TRAPPC9: variants seen among roughly 807,000 people sequenced by gnomAD.
TRAPPC9 encodes IKK2 binding protein.
In TRAPPC9, 83 loss-of-function variants were observed where a neutral mutation model predicts 124.0. The observed-to-expected ratio is 0.67, with a 90% CI of 0.56 to 0.80. The LOEUF is 0.80. Among genes scored for constraint, TRAPPC9 ranks in the 30% least tolerant of loss-of-function variants. The pLI is 0.00. For missense variants in TRAPPC9, 1,302 were observed against 1,508.3 expected (o/e 0.86, Z 2.27); for synonymous variants, 638 against 617.5 (o/e 1.03, Z -0.49).
At chr8:139,933,777 A>T (rs374230194) in intron 19 of TRAPPC9, 1 of 152,266 alleles carries the variant, frequency 6.6e-6, no homozygotes, top group East Asian at 1.9e-4. Context: ...GATTAACCAA[A>T]GTCCATGATC....
chr8:140,405,689 G>A lies in TRAPPC9; in HGVS notation c.896C>T (p.Thr299Ile). The A allele has an allele frequency of 6.2e-7, 1 of 1,614,168 alleles. No individual in the cohort carries two copies. Among genetic ancestry groups the A allele is most frequent in the Non-Finnish European group, 8.5e-7 (1 of 1,180,018 alleles). The change falls in exon 6 of 23, where the codon ACC (threonine) becomes ATC (isoleucine). Residue 299 changes from threonine to isoleucine, a missense_variant. This residue lies in a region of TRAPPC9 where 657 missense variants were observed against 811.2 expected (regional missense o/e 0.81). Coordinates refer to ENST00000438773, the MANE Select transcript of TRAPPC9 (RefSeq NM_001160372.4). Reference protein sequence around the residue: ...QEVLIDPGALTTNGINPDTST... With the variant: ...QEVLIDPGALITNGINPDTST... ...GGTGTCAGGGTTGATGCCATTGGTG[G>A]TGAGGGCACCTGCAAACCAAGAGGA...
At chr8:139,923,063 G>A (rs1413387312) in intron 19 of TRAPPC9, among the ~76,000 whole-genome samples, 6 of 151,170 alleles carry the variant, frequency 4.0e-5, no homozygotes, top group Admixed American at 6.6e-5. Context: ...CAGATGGGCC[G>A]GACTGGTAAG....
rs530122385 is a variant in TRAPPC9, at chr8:139,909,018, A to T, written c.2964+1129T>A. Among the ~76,000 whole-genome samples, 3 of 152,314 alleles carry T rather than the reference A, an allele frequency of 2.0e-5. No individual in the cohort carries two copies. The South Asian group carries it at 6.2e-4, about 32-fold the overall frequency. On this transcript the variant is annotated intron_variant, in intron 20 of 22. Coordinates refer to ENST00000438773, the MANE Select transcript of TRAPPC9 (RefSeq NM_001160372.4). Reference sequence around the variant, plus strand: ...TTATTTTGTCACAAACTCCTTGGAGACAGTGAGTCTGCCAGGCTCAAAGTC... The same window carrying T: ...TTATTTTGTCACAAACTCCTTGGAGTCAGTGAGTCTGCCAGGCTCAAAGTC...
intron 5 of TRAPPC9, among the ~76,000 whole-genome samples, chr8:140,422,522 G>A (rs981214279): frequency 3.3e-5 from 5 of 152,106 alleles, no homozygotes; most frequent in Non-Finnish European, 7.4e-5. Flanking sequence ...GGGAGGCCGA[G>A]GTGGGCGGAT....
chr8:139,849,687 G>A (rs1027944753), intron 21 of TRAPPC9, among the ~76,000 whole-genome samples: 7 of 152,186 alleles, frequency 4.6e-5, no homozygotes, highest in Admixed American at 1.3e-4. Flanking sequence ...TTTTCTGAGC[G>A]TGTCCACACT....
In TRAPPC9 at chr8:140,457,622, C is replaced by T. The variant is rs1485984638; in HGVS notation, c.-11+17G>A. 1.0e-6 allele frequency: 1 copy of T among 985,810 alleles called. No individual in the cohort carries two copies. The highest frequency in any genetic ancestry group is 1.2e-6 in the Non-Finnish European group (1 of 830,218). The allele number at this position is 985,810 out of a possible 1,614,324, so 61.1% of individuals were successfully genotyped here. On this transcript the variant is annotated intron_variant, in intron 1 of 22. Transcript: ENST00000438773. Reference sequence around the variant, plus strand: ...GTCCGAATTGCCTGACCGGGAGCCCCCCCGCTTTGCACTTACACAGCCGGT... The same window carrying T: ...GTCCGAATTGCCTGACCGGGAGCCCTCCCGCTTTGCACTTACACAGCCGGT...
Position 140,455,790 on chromosome 8 carries a change from T to C in TRAPPC9, c.-11+1849A>G, listed in dbSNP as rs368828782. ...ACAACACAAATGTCCATCAACTGCC[T>C]GATACACAAAATGTTAAATCTATAC... is the stretch of plus-strand genomic sequence containing the variant. On this transcript the variant is annotated intron_variant, in intron 1 of 22. Coordinates refer to ENST00000438773, the MANE Select transcript of TRAPPC9 (RefSeq NM_001160372.4). 1.4e-4 allele frequency among the ~76,000 whole-genome samples: 21 copies of C among 152,302 alleles called. No homozygotes were observed. The East Asian group carries it at 2.3e-3, about 17-fold the overall frequency.
chr8:139,971,746 T>TACAC (rs1554419388), intron 19 of TRAPPC9, among the ~76,000 whole-genome samples: 4 of 15,692 alleles, frequency 2.5e-4, no homozygotes, highest in African/African-American at 8.0e-4. Context: ...CACATATATA[T>TACAC]ATACACACAC....
intron 15 of TRAPPC9, among the ~76,000 whole-genome samples, chr8:140,271,723 A>G (rs1197680929): frequency 6.6e-6 from 1 of 152,262 alleles, no homozygotes; most frequent in African/African-American, 2.4e-5. Context: ...CACCACTCTC[A>G]TCTCAAGAAT....
intron 1 of TRAPPC9, among the ~76,000 whole-genome samples, chr8:140,451,963 A>G (rs1006934407): frequency 2.6e-5 from 4 of 152,080 alleles, no homozygotes; most frequent in Admixed American, 2.6e-4. Flanking sequence ...TATACTAAAA[A>G]TACAAAAATT....
rs79120698 is a variant in TRAPPC9, at chr8:140,013,504, C to T, written c.2699+10433G>A. ...CTTCAAAACTTCGGTTGACCACTGA[C>T]TACTTACTTCACCTGCTGCTGCCCA... On this transcript the variant is annotated intron_variant, in intron 18 of 22. Coordinates refer to ENST00000438773, the MANE Select transcript of TRAPPC9 (RefSeq NM_001160372.4). 4.9e-3 allele frequency among the ~76,000 whole-genome samples: 753 copies of T among 152,368 alleles called. 6 individuals carry two copies. Among genetic ancestry groups the T allele is most frequent in the African/African-American group, 0.017 (711 of 41,584 alleles).
chr8:139,954,976 C>T (rs1037638645), intron 19 of TRAPPC9, among the ~76,000 whole-genome samples: 3 of 152,156 alleles, frequency 2.0e-5, no homozygotes, highest in Non-Finnish European at 4.4e-5. Flanking sequence ...ATTGGTCTTA[C>T]AATTTGGCAT....
intron 19 of TRAPPC9, among the ~76,000 whole-genome samples, chr8:139,957,492 G>C (rs1406983382): frequency 1.3e-5 from 2 of 152,242 alleles, no homozygotes; most frequent in Admixed American, 6.5e-5. Context: ...GGGGACCTAG[G>C]TAGGGCACGC....
chr8:140,128,998 T>C (rs2061151048), intron 17 of TRAPPC9, among the ~76,000 whole-genome samples: 1 of 135,682 alleles, frequency 7.4e-6, no homozygotes, highest in East Asian at 2.0e-4. Flanking sequence ...CATATATATA[T>C]ATATATTAAA....
intron 21 of TRAPPC9, among the ~76,000 whole-genome samples, chr8:139,801,526 T>G (rs1823528898): frequency 6.6e-6 from 1 of 152,180 alleles, no homozygotes; most frequent in Non-Finnish European, 1.5e-5. Flanking sequence ...TTCCCTTGGC[T>G]GTGTCCACTG....
chr8:139,998,071 G>A (rs1214138198), intron 18 of TRAPPC9, among the ~76,000 whole-genome samples: 1 of 152,176 alleles, frequency 6.6e-6, no homozygotes, highest in Non-Finnish European at 1.5e-5. Context: ...GGGAGACAAT[G>A]CATCCTACAC....
At chr8:140,118,054 T>C (rs570296558) in intron 17 of TRAPPC9, among the ~76,000 whole-genome samples, 1 of 152,236 alleles carries the variant, frequency 6.6e-6, no homozygotes, top group Non-Finnish European at 1.5e-5. Context: ...TCCATACAAA[T>C]ATATTTTCTC....
intron 21 of TRAPPC9, among the ~76,000 whole-genome samples, chr8:139,802,300 G>A (rs1480566567): frequency 6.6e-6 from 1 of 152,192 alleles, no homozygotes; most frequent in African/African-American, 2.4e-5. Context: ...TCACACCTCC[G>A]CTTTGCTGGC....
chr8:139,971,933 T>C (rs1563652573), intron 19 of TRAPPC9, among the ~76,000 whole-genome samples: 3 of 152,012 alleles, frequency 2.0e-5, no homozygotes, highest in Admixed American at 1.3e-4. Flanking sequence ...GCGATTCTCC[T>C]GCTTCAGCCT....
Sources: allele counts gnomAD v4.1 joint callset (sites outside exome capture counted in the v4.1 genomes callset), GRCh38; gene constraint gnomAD v4.1.1; regional missense constraint gnomAD v4.1.1; transcripts MANE v1.5; gene names NCBI Gene and HGNC (gene_info 2026-07-23, HGNC 2026-07-21).